Variants in REXO5 observed in about 807,000 individuals in gnomAD.
REXO5 encodes the protein exonuclease NEF-sp.
Under a neutral mutation model 88.5 loss-of-function variants are expected in REXO5, and 48 were observed. The ratio of observed to expected loss-of-function variants is 0.54; its 90% CI spans 0.43 to 0.69. The LOEUF is 0.69. Among genes scored for constraint, REXO5 ranks in the 30% least tolerant of loss-of-function variants. REXO5 has a pLI of 0.00. For missense variants in REXO5, 749 were observed against 912.2 expected, an observed-to-expected ratio of 0.82 and a Z score of 2.30; for synonymous variants, 311 against 336.5, an observed-to-expected ratio of 0.92 and a Z score of 0.83.
At chr16:20,813,742 T>A (rs2081038685) in intron 3 of REXO5, among the ~76,000 whole-genome samples, 1 of 152,190 alleles carries the variant, frequency 6.6e-6, no homozygotes, top group South Asian at 2.1e-4. Flanking sequence ...CCAGTTAATC[T>A]TTTTTCTTTC....
At chr16:20,828,746 G>A (rs1024171436) in intron 11 of REXO5, among the ~76,000 whole-genome samples, 2 of 152,088 alleles carry the variant, frequency 1.3e-5, no homozygotes, top group East Asian at 3.9e-4. Context: ...GGCCAATATG[G>A]TGAAACCCCG....
intron 15 of REXO5, among the ~76,000 whole-genome samples, chr16:20,840,998 T>C (rs1177100783): frequency 6.6e-6 from 1 of 152,108 alleles, no homozygotes; most frequent in Non-Finnish European, 1.5e-5. Flanking sequence ...TCTTAGAAAG[T>C]TACTTCTTTT....
At position 20,809,890 on chromosome 16, in the gene REXO5, C is replaced by T. The variant is rs2080970252; in HGVS notation, c.138+2799C>T. On this transcript the variant is annotated intron_variant, in intron 2 of 19. Transcript: ENST00000261377. The stretch of plus-strand genomic sequence containing the variant: ...TGTCTGTAATGTGCTTCCTCAAACA[C>T]TTTGGGCTTATGCATTTACTTTTTT... Among the ~76,000 whole-genome samples the T allele has an allele frequency of 2.0e-5, 3 of 152,322 alleles. No homozygotes were observed. In the East Asian group the frequency reaches 5.8e-4, roughly 29 times the overall value.
At chr16:20,846,919 C>G (rs1274222222) in intron 19 of REXO5, among the ~76,000 whole-genome samples, 1 of 152,164 alleles carries the variant, frequency 6.6e-6, no homozygotes, top group Non-Finnish European at 1.5e-5. Context: ...AGTTGATTTT[C>G]AAACCCTTTT....
chr16:20,847,261 C>CAAAAAAAAAAAAAA (rs56355038), intron 19 of REXO5, among the ~76,000 whole-genome samples: 1 of 138,320 alleles, frequency 7.2e-6, no homozygotes, highest in Non-Finnish European at 1.5e-5. Context: ...AACACACACA[C>CAAAAAAAAAAAAAA]AAAAAAAAAA....
intron 2 of REXO5, among the ~76,000 whole-genome samples, chr16:20,810,294 CAT>C (rs1287379652): frequency 6.6e-6 from 1 of 152,206 alleles, no homozygotes; most frequent in Admixed American, 6.5e-5. Context: ...TACACACACA[CAT>C]ACTTACATTT....
chr16:20,808,746 G>C (rs2152498753), intron 2 of REXO5: 1 of 151,034 alleles, frequency 6.6e-6, no homozygotes, highest in Middle Eastern at 3.4e-3. Flanking sequence ...TGGGACTACA[G>C]ATGTGTGCCA....
At position 20,813,309 on chromosome 16, in the gene REXO5, G is replaced by A; in HGVS notation, c.251+7G>A. 7.2e-7 allele frequency: 1 copy of A among 1,396,954 alleles called. No homozygotes were observed. The highest frequency in any genetic ancestry group is 1.0e-6 in the Non-Finnish European group (1 of 989,002). The allele number at this position is 1,396,954 out of a possible 1,614,324, so 86.5% of individuals were successfully genotyped here. ...CCAATGTTCCAAAACCCAGGTATGA[G>A]ATGAATTTAAATGGTGGGTATTGAC... On this transcript the variant is annotated splice_region_variant and intron_variant, in intron 3 of 19. Transcript: ENST00000261377.
intron 6 of REXO5, 46 bp downstream of exon 6, chr16:20,821,948 T>A: frequency 6.8e-7 from 1 of 1,475,036 alleles, no homozygotes; most frequent in Non-Finnish European, 9.0e-7. Context: ...TAAGAATATC[T>A]AACAGCTTAT....
intron 6 of REXO5, among the ~76,000 whole-genome samples, chr16:20,822,892 G>A (rs2081205532): frequency 6.6e-6 from 1 of 152,154 alleles, no homozygotes; most frequent in South Asian, 2.1e-4. Flanking sequence ...TTTCATTTCT[G>A]TTGGGTATAT....
At chr16:20,826,435 G>A (rs2081261650) in intron 8 of REXO5, among the ~76,000 whole-genome samples, 1 of 152,238 alleles carries the variant, frequency 6.6e-6, no homozygotes, top group East Asian at 1.9e-4. Flanking sequence ...ACAGTGACTA[G>A]GCAAGAAGCC....
chr16:20,816,311 T>A, intron 5 of REXO5, 99 bp downstream of exon 5: 2 of 1,019,732 alleles, frequency 2.0e-6, no homozygotes, highest in Non-Finnish European at 2.9e-6. Flanking sequence ...CTAACTAGCT[T>A]AAGCACAAAA....
chr16:20,849,600 TA>T lies in REXO5; in HGVS notation c.*124del, dbSNP rs569362035. The T allele has an allele frequency of 8.7e-6, 7 of 805,620 alleles. No individual in the cohort carries two copies. In the African/African-American group the frequency reaches 1.2e-4, roughly 14 times the overall value. The allele number at this position is 805,620 out of a possible 1,614,324, so 49.9% of individuals were successfully genotyped here. On this transcript the variant is annotated 3_prime_UTR_variant, in exon 20 of 20. Coordinates refer to ENST00000261377, the MANE Select transcript of REXO5 (RefSeq NM_030941.3). ...CTTTATGGAAACTTGGTATAGCAGCTAAAAGAGTTTAGTTTGTTTATATGGC... is the reference window on the plus strand; with the variant it reads ...CTTTATGGAAACTTGGTATAGCAGCTAAAGAGTTTAGTTTGTTTATATGGC...
In REXO5 at chr16:20,813,176, A is replaced by T; in HGVS notation, c.139-14A>T. 1 of 1,558,186 alleles carries T rather than the reference A, an allele frequency of 6.4e-7. No homozygotes were observed. The highest frequency in any genetic ancestry group is 8.9e-7 in the Non-Finnish European group (1 of 1,129,224). On this transcript the variant is annotated splice_polypyrimidine_tract_variant and intron_variant, in intron 2 of 19. Transcript: ENST00000261377. The stretch of plus-strand genomic sequence containing the variant: ...ACCAATAATGGCTTGCTACGCCCTG[A>T]TTAATCTTTGCAGAAAGCCCGCTTA...
chr16:20,827,229 G>A, intron 9 of REXO5, 33 bp downstream of exon 9: 1 of 1,613,230 alleles, frequency 6.2e-7, no homozygotes, highest in Non-Finnish European at 8.5e-7. Context: ...TGCATTTTCA[G>A]TATAAATGCC....
chr16:20,845,033 G>C, intron 17 of REXO5, 21 bp from the exon 18 acceptor site: 1 of 1,609,694 alleles, frequency 6.2e-7, no homozygotes, highest in East Asian at 2.2e-5. Flanking sequence ...AATAACATAA[G>C]GTGGGGGTTC....
chr16:20,825,229 C>T (rs1004255507), intron 7 of REXO5, among the ~76,000 whole-genome samples: 2 of 152,108 alleles, frequency 1.3e-5, no homozygotes, highest in Non-Finnish European at 2.9e-5. Flanking sequence ...TTGTAGTAAG[C>T]CTCTTTTCAA....
chr16:20,807,136 G>A (rs2080895742), intron 2 of REXO5, 45 bp downstream of exon 2: 2 of 1,564,010 alleles, frequency 1.3e-6, no homozygotes, highest in Admixed American at 1.9e-5. Flanking sequence ...GCGGTTTGGA[G>A]CTCCCGGACC....
At chr16:20,807,149 C>G in intron 2 of REXO5, 58 bp downstream of exon 2, 1 of 1,539,482 alleles carries the variant, frequency 6.5e-7, no homozygotes, top group Non-Finnish European at 8.8e-7. Context: ...CCCGGACCCT[C>G]GCCCAACCGC....
Sources: allele counts gnomAD v4.1 joint callset (sites outside exome capture counted in the v4.1 genomes callset), GRCh38; gene constraint gnomAD v4.1.1; transcripts MANE v1.5; gene names NCBI Gene and HGNC (gene_info 2026-07-23, HGNC 2026-07-21).